Variants in GUCY1A2 observed in about 807,000 individuals in gnomAD.
The protein encoded by GUCY1A2 is guanylate cyclase soluble subunit alpha-2.
Under a neutral mutation model 63.5 loss-of-function variants are expected in GUCY1A2, and 27 were observed. The ratio of observed to expected loss-of-function variants is 0.43; its 90% confidence interval spans 0.31 to 0.59. The LOEUF is 0.59. Among genes scored for constraint, GUCY1A2 ranks in the 20% least tolerant of loss-of-function variants. The probability of loss-of-function intolerance (pLI) is 0.11; values close to 1 mark genes in which losing one functional copy is unlikely to be tolerated. For synonymous variants in GUCY1A2, 364 were observed against 343.5 expected (o/e 1.06, Z -0.66); for missense variants, 768 against 913.3 (o/e 0.84, Z 2.05).
At chr11:106,814,977 T>C (rs1313019605) in intron 4 of GUCY1A2, among the ~76,000 whole-genome samples, 2 of 152,182 alleles carry the variant, frequency 1.3e-5, no homozygotes, top group Admixed American at 6.6e-5. Context: ...ATGAATCAGA[T>C]GTTGGAATTA....
intron 6 of GUCY1A2, among the ~76,000 whole-genome samples, chr11:106,770,597 TTA>T (rs1477740603): frequency 6.6e-6 from 1 of 151,844 alleles, no homozygotes; most frequent in Non-Finnish European, 1.5e-5. Context: ...AAATTAAAAA[TTA>T]TTAGAGAATA....
chr11:106,797,301 G>C (rs903978880), intron 5 of GUCY1A2, among the ~76,000 whole-genome samples: 1 of 152,190 alleles, frequency 6.6e-6, no homozygotes, highest in South Asian at 2.1e-4. Flanking sequence ...GTCCAGCTTT[G>C]TTCCTTGCTG....
intron 4 of GUCY1A2, among the ~76,000 whole-genome samples, chr11:106,908,605 G>A (rs1036485327): frequency 3.9e-5 from 6 of 151,930 alleles, no homozygotes; most frequent in African/African-American, 1.4e-4. Context: ...GTTTTAAACT[G>A]AAGATGTGAG....
chr11:106,931,620 G>A (rs567094202), intron 4 of GUCY1A2, among the ~76,000 whole-genome samples: 15 of 152,184 alleles, frequency 9.9e-5, no homozygotes, highest in Non-Finnish European at 1.8e-4. Context: ...TAAACAAACC[G>A]TGTGGTATCT....
chr11:106,991,014 G>A (rs1166598916), intron 1 of GUCY1A2, among the ~76,000 whole-genome samples: 3 of 152,064 alleles, frequency 2.0e-5, no homozygotes, highest in African/African-American at 7.2e-5. Flanking sequence ...TTTTGAGATG[G>A]ACTCTTGCTC....
intron 4 of GUCY1A2, among the ~76,000 whole-genome samples, chr11:106,891,756 C>A (rs1859978016): frequency 6.6e-6 from 1 of 152,062 alleles, no homozygotes; most frequent in Non-Finnish European, 1.5e-5. Context: ...CTATTCTGTT[C>A]CACTAATCTA....
intron 6 of GUCY1A2, among the ~76,000 whole-genome samples, chr11:106,712,220 T>A (rs1863132781): frequency 6.6e-6 from 1 of 152,154 alleles, no homozygotes; most frequent in African/African-American, 2.4e-5. Context: ...TTTCTCCATT[T>A]ATTTGGGATA....
At chr11:106,813,462 T>C (rs977467739) in intron 4 of GUCY1A2, among the ~76,000 whole-genome samples, 1 of 152,004 alleles carries the variant, frequency 6.6e-6, no homozygotes, top group African/African-American at 2.4e-5. Context: ...GCTCAGATAG[T>C]TCTATGAAAA....
At chr11:106,878,135 G>T (rs1859775661) in intron 4 of GUCY1A2, among the ~76,000 whole-genome samples, 1 of 152,080 alleles carries the variant, frequency 6.6e-6, no homozygotes, top group African/African-American at 2.4e-5. Context: ...AATAACAGGT[G>T]CTGGCACGGT....
In GUCY1A2 at chr11:106,979,117, TG is replaced by T. The variant is rs1327708279; in HGVS notation, c.366-378del. Among the ~76,000 whole-genome samples, 3 of 152,202 alleles carry T rather than the reference TG, an allele frequency of 2.0e-5. No homozygotes were observed. The East Asian group carries it at 5.8e-4, about 29-fold the overall frequency. On this transcript the variant is annotated intron_variant, in intron 2 of 7. Transcript: ENST00000526355. Reference sequence around the variant, plus strand: ...GTTAATTTGGTGTCCTGGCATTCAATGGTGTTGAAAGTAAACACACCATAAC... The same window carrying T: ...GTTAATTTGGTGTCCTGGCATTCAATGTGTTGAAAGTAAACACACCATAAC...
At chr11:106,822,820 GA>G (rs912812670) in intron 4 of GUCY1A2, among the ~76,000 whole-genome samples, 15 of 151,930 alleles carry the variant, frequency 9.9e-5, no homozygotes, top group African/African-American at 3.6e-4. Flanking sequence ...CTCTATTAAT[GA>G]AAAAAAGACA....
At chr11:106,928,141 T>C (rs1021818614) in intron 4 of GUCY1A2, among the ~76,000 whole-genome samples, 2 of 152,184 alleles carry the variant, frequency 1.3e-5, no homozygotes, top group Admixed American at 6.5e-5. Context: ...CCATAAATCA[T>C]AGTATGAGTT....
chr11:106,969,967 T>C (rs1277236704), intron 3 of GUCY1A2, among the ~76,000 whole-genome samples: 2 of 152,192 alleles, frequency 1.3e-5, no homozygotes, highest in African/African-American at 4.8e-5. Flanking sequence ...CTAAGGAGTT[T>C]TGCAGATTTT....
chr11:107,006,577 T>A (rs1317624489), intron 1 of GUCY1A2, among the ~76,000 whole-genome samples: 1 of 152,202 alleles, frequency 6.6e-6, no homozygotes, highest in Non-Finnish European at 1.5e-5. Context: ...TCACAATATC[T>A]TTCCCTTGCC....
rs556478950 is a variant in GUCY1A2 at position 106,809,631 on chromosome 11, CAAAAT to C, written c.1692+357_1692+361del. ...TAACTTGCTATTTGTTTTTAACTGT[CAAAAT>C]AAAATTCTTAGTTTATATTGGAACC... On this transcript the variant is annotated intron_variant, in intron 5 of 7. Transcript: ENST00000526355. Among the ~76,000 whole-genome samples, 36 of 151,946 alleles carry C rather than the reference CAAAAT, an allele frequency of 2.4e-4. No homozygotes were observed. In the East Asian group the frequency reaches 6.6e-3, roughly 28 times the overall value.
intron 6 of GUCY1A2, among the ~76,000 whole-genome samples, chr11:106,757,495 C>A (rs954931613): frequency 2.0e-5 from 3 of 152,132 alleles, no homozygotes; most frequent in African/African-American, 7.2e-5. Flanking sequence ...GATTTATCTA[C>A]CTTGGTCTTT....
intron 6 of GUCY1A2, among the ~76,000 whole-genome samples, chr11:106,773,789 T>C (rs1261824352): frequency 6.6e-6 from 1 of 152,222 alleles, no homozygotes; most frequent in African/African-American, 2.4e-5. Context: ...ATTGATTACA[T>C]GTGTCACAAA....
chr11:106,887,883 C>G (rs1156557125), intron 4 of GUCY1A2, among the ~76,000 whole-genome samples: 1 of 152,128 alleles, frequency 6.6e-6, no homozygotes, highest in Non-Finnish European at 1.5e-5. Context: ...TTAATTCCAG[C>G]CTTATATTCC....
intron 4 of GUCY1A2, among the ~76,000 whole-genome samples, chr11:106,904,753 T>C (rs1400644041): frequency 2.0e-5 from 3 of 151,814 alleles, no homozygotes; most frequent in Admixed American, 6.6e-5. Context: ...ATATTCAATC[T>C]GAGAGTGAGA....
Sources: allele counts gnomAD v4.1 joint callset (sites outside exome capture counted in the v4.1 genomes callset), GRCh38; gene constraint gnomAD v4.1.1; transcripts MANE v1.5; gene names NCBI Gene and HGNC (gene_info 2026-07-23, HGNC 2026-07-21).